Variants in WWTR1 observed in about 807,000 individuals in gnomAD.
The protein encoded by WWTR1 is WW domain-containing transcription regulator protein 1.
Under a neutral mutation model 40.1 loss-of-function variants are expected in WWTR1, and 13 were observed. The ratio of observed to expected loss-of-function variants is 0.32; its 90% confidence interval spans 0.21 to 0.52. The LOEUF (loss-of-function observed/expected upper bound fraction) is 0.52. WWTR1 is among the 20% of genes least tolerant of loss of function. WWTR1 has a pLI of 0.97. For synonymous variants in WWTR1, 230 were observed against 210.1 expected, an observed-to-expected ratio of 1.09 and a Z score of -0.82; for missense variants, 436 against 523.1, an observed-to-expected ratio of 0.83 and a Z score of 1.63.
At chr3:149,619,625 A>AAAAC (rs931958704) in intron 2 of WWTR1, among the ~76,000 whole-genome samples, 19 of 152,160 alleles carry the variant, frequency 1.2e-4, no homozygotes, top group South Asian at 6.2e-4. Context: ...CCTGTCACCA[A>AAAAC]AAACAAACAA....
At chr3:149,634,662 AAGACCCTGGATCTGTC>A (rs905900857) in intron 2 of WWTR1, among the ~76,000 whole-genome samples, 2 of 152,214 alleles carry the variant, frequency 1.3e-5, no homozygotes, top group African/African-American at 4.8e-5. Flanking sequence ...AAGCAAGTGA[AAGACCCTGGATCTGTC>A]AGGCTGCTGT....
At chr3:149,664,464 G>A (rs914488549) in intron 2 of WWTR1, among the ~76,000 whole-genome samples, 2 of 152,102 alleles carry the variant, frequency 1.3e-5, no homozygotes, top group Admixed American at 6.5e-5. Context: ...AATAATTGGT[G>A]CTGCCACTCA....
chr3:149,658,706 C>T (rs1271406352), upstream of WWTR1: 1 of 152,288 alleles, frequency 6.6e-6, no homozygotes, highest in Non-Finnish European at 1.5e-5. Context: ...GCTTCGCCAA[C>T]GGGTGGGTTG....
At chr3:149,535,666 A>G (rs1004371771) in intron 4 of WWTR1, among the ~76,000 whole-genome samples, 1 of 151,636 alleles carries the variant, frequency 6.6e-6, no homozygotes, top group African/African-American at 2.4e-5. Context: ...TTCAAATCAC[A>G]TTAAAGAAAA....
chr3:149,573,075 A>G (rs1370137991), intron 2 of WWTR1, 75 bp from the exon 3 acceptor site: 1 of 1,409,288 alleles, frequency 7.1e-7, no homozygotes, highest in Non-Finnish European at 9.7e-7. Flanking sequence ...ACAGCATAAT[A>G]GTTAATGACA....
upstream of WWTR1, among the ~76,000 whole-genome samples, chr3:149,706,572 C>G (rs1011596779): frequency 6.6e-6 from 1 of 152,104 alleles, no homozygotes; most frequent in Non-Finnish European, 1.5e-5. Flanking sequence ...CCCGCCTCAG[C>G]CTCCCAAAGT....
chr3:149,698,804 G>A (rs1394851560), intron 1 of WWTR1, among the ~76,000 whole-genome samples: 1 of 152,334 alleles, frequency 6.6e-6, no homozygotes, highest in East Asian at 1.9e-4. Context: ...AGCACAAGTT[G>A]TACCTGGGCC....
intron 4 of WWTR1, among the ~76,000 whole-genome samples, chr3:149,530,016 TC>T (rs374587748): frequency 4.6e-5 from 7 of 152,138 alleles, no homozygotes; most frequent in African/African-American, 1.7e-4. Flanking sequence ...ATGGCTGCAT[TC>T]CTTTGTATTG....
rs7616827 is a variant in WWTR1, at chr3:149,647,756, C to T, written c.431+9120G>A. 9.6e-3 allele frequency among the ~76,000 whole-genome samples: 1,464 copies of T among 152,266 alleles called. 15 individuals carry two copies. Among genetic ancestry groups the T allele is most frequent in the East Asian group, 0.037 (190 of 5,172 alleles). ...TTAAGTCAGCATAAAATGCTTAGTT[C>T]TCTAAACAACCAGGAAGATCTCAAC... On this transcript the variant is annotated intron_variant, in intron 2 of 6. Transcript: ENST00000360632.
chr3:149,572,810 C>T, intron 3 of WWTR1, 54 bp downstream of exon 3: 3 of 1,585,358 alleles, frequency 1.9e-6, no homozygotes, highest in Non-Finnish European at 1.7e-6. Flanking sequence ...AGGGAGACCC[C>T]AACTCTACAA....
Position 149,521,081 on chromosome 3 carries a change from T to C in WWTR1, c.1019-92A>G. 2.2e-6 allele frequency: 3 copies of C among 1,351,594 alleles called. No individual in the cohort carries two copies. In the East Asian group the frequency reaches 7.3e-5, roughly 33 times the overall value. The allele number at this position is 1,351,594 out of a possible 1,614,324, so 83.7% of individuals were successfully genotyped here. Reference sequence around the variant, plus strand: ...AGTATTTACATAACCCTCACCTTCATGTCTTCAACTACCACATTATTGACC... The same window carrying C: ...AGTATTTACATAACCCTCACCTTCACGTCTTCAACTACCACATTATTGACC... On this transcript the variant is annotated intron_variant, in intron 6 of 6. Transcript: ENST00000360632.
intron 2 of WWTR1, among the ~76,000 whole-genome samples, chr3:149,643,941 A>T (rs1373746053): frequency 6.6e-6 from 1 of 152,100 alleles, no homozygotes; most frequent in East Asian, 1.9e-4. Context: ...AGGGTCCATC[A>T]GTACTTCTTG....
rs1326609857 is a variant in WWTR1 at position 149,678,434 on chromosome 3, G to GCT, written c.-107-8544_-107-8543insAG. Reference sequence around the variant, plus strand: ...GCAGGCCCTTTTTCCATAATGGCCAGTAGTACATTCTGCTTAATTGTCATG... The same window carrying GCT: ...GCAGGCCCTTTTTCCATAATGGCCAGCTTAGTACATTCTGCTTAATTGTCATG... On this transcript the variant is annotated intron_variant, in intron 1 of 7. Coordinates refer to the WWTR1 transcript ENST00000465804. 3.3e-5 allele frequency among the ~76,000 whole-genome samples: 5 copies of GCT among 152,302 alleles called. No homozygotes were observed. The East Asian group carries it at 9.6e-4, about 29-fold the overall frequency.
At chr3:149,669,582 C>G (rs544460547) in intron 2 of WWTR1, among the ~76,000 whole-genome samples, 18 of 152,304 alleles carry the variant, frequency 1.2e-4, no homozygotes, top group African/African-American at 4.3e-4. Context: ...TGAAGGTAAA[C>G]TTGCCCTTCT....
intron 2 of WWTR1, among the ~76,000 whole-genome samples, chr3:149,626,809 C>T (rs535540313): frequency 4.3e-4 from 66 of 152,136 alleles, no homozygotes; most frequent in African/African-American, 1.4e-3. Flanking sequence ...AAGGTGTTGC[C>T]CAACCTTGGC....
At chr3:149,661,856 C>T (rs1006002148), upstream of WWTR1, among the ~76,000 whole-genome samples, 5 of 151,882 alleles carry the variant, frequency 3.3e-5, no homozygotes, top group African/African-American at 4.8e-5. Context: ...CCTCAGCCTC[C>T]TGAGTAGCTG....
intron 1 of WWTR1, among the ~76,000 whole-genome samples, chr3:149,685,388 C>T (rs182854093): frequency 2.0e-5 from 3 of 152,334 alleles, no homozygotes; most frequent in Non-Finnish European, 4.4e-5. Context: ...GCAGAAATGA[C>T]AGACCATATG....
At chr3:149,642,714 G>T (rs1712251992) in intron 2 of WWTR1, among the ~76,000 whole-genome samples, 1 of 151,380 alleles carries the variant, frequency 6.6e-6, no homozygotes, top group African/African-American at 2.4e-5. Context: ...GGCGGAGCTT[G>T]CAGTGAGCCG....
chr3:149,574,561 G>C (rs1326536800), intron 2 of WWTR1, among the ~76,000 whole-genome samples: 1 of 152,098 alleles, frequency 6.6e-6, no homozygotes, highest in Non-Finnish European at 1.5e-5. Flanking sequence ...CTTTAAGGTA[G>C]GAAACCACTT....
Sources: gnomAD v4.1 joint callset for allele counts (sites outside exome capture counted in the v4.1 genomes callset) on GRCh38, gnomAD v4.1.1 for gene constraint, MANE v1.5 for transcripts, NCBI Gene and HGNC (gene_info 2026-07-23, HGNC 2026-07-21) for gene names.